UBE2Q2: variants seen among roughly 807,000 people sequenced by gnomAD.
UBE2Q2 encodes the protein ubiquitin-conjugating enzyme E2 Q2.
Under a neutral mutation model 59.9 loss-of-function variants are expected in UBE2Q2, and 54 were observed. That is an observed-to-expected ratio of 0.90 (90% confidence interval 0.72 to 1.13). UBE2Q2 has a LOEUF of 1.13. Among genes scored for constraint, UBE2Q2 ranks in the 50% most tolerant of loss-of-function variants. UBE2Q2 has a pLI of 0.00. For synonymous variants in UBE2Q2, 165 were observed against 155.2 expected (o/e 1.06, Z -0.47); for missense variants, 433 against 441.9 (o/e 0.98, Z 0.18).
intron 1 of UBE2Q2, among the ~76,000 whole-genome samples, chr15:75,853,506 A>G (rs1263815733): frequency 6.7e-6 from 1 of 149,926 alleles, no homozygotes; most frequent in Non-Finnish European, 1.5e-5. Context: ...ATATATATAT[A>G]TGTATGTATG....
At chr15:75,881,537 G>A (rs1343228963) in intron 8 of UBE2Q2, among the ~76,000 whole-genome samples, 1 of 152,130 alleles carries the variant, frequency 6.6e-6, no homozygotes, top group Non-Finnish European at 1.5e-5. Flanking sequence ...GAATGTGATT[G>A]CCTTGAGCTA....
intron 4 of UBE2Q2, among the ~76,000 whole-genome samples, chr15:75,871,316 C>T (rs755863121): frequency 2.4e-4 from 37 of 152,148 alleles, no homozygotes; most frequent in Non-Finnish European, 3.7e-4. Context: ...TGCCCAGGGA[C>T]GGGCAGGAGG....
chr15:75,847,656 T>G (rs1333483710), intron 1 of UBE2Q2, among the ~76,000 whole-genome samples: 2 of 152,136 alleles, frequency 1.3e-5, no homozygotes, highest in Admixed American at 6.5e-5. Flanking sequence ...CAAAGCAGCT[T>G]GTTTTAAGCA....
At chr15:75,852,881 A>G (rs1896702405) in intron 1 of UBE2Q2, among the ~76,000 whole-genome samples, 1 of 152,240 alleles carries the variant, frequency 6.6e-6, no homozygotes, top group East Asian at 1.9e-4. Flanking sequence ...CTCCATCAAT[A>G]CAACTTATTC....
intron 3 of UBE2Q2, among the ~76,000 whole-genome samples, chr15:75,865,949 G>A (rs1027961751): frequency 2.0e-5 from 3 of 152,210 alleles, no homozygotes; most frequent in East Asian, 1.9e-4. Context: ...GGAGGTGAAC[G>A]TACACAGATA....
At chr15:75,875,959 G>T (rs1332664107) in intron 5 of UBE2Q2, among the ~76,000 whole-genome samples, 1 of 151,598 alleles carries the variant, frequency 6.6e-6, no homozygotes, top group African/African-American at 2.4e-5. Flanking sequence ...TCAGCTACTT[G>T]GGAGGCTGAG....
At chr15:75,865,345 T>A (rs1335350289) in intron 3 of UBE2Q2, among the ~76,000 whole-genome samples, 1 of 152,236 alleles carries the variant, frequency 6.6e-6, no homozygotes, top group Non-Finnish European at 1.5e-5. Flanking sequence ...TTTGTTCCTA[T>A]TGTGTGTAGC....
intron 3 of UBE2Q2, among the ~76,000 whole-genome samples, chr15:75,866,676 A>G (rs190189254): frequency 5.9e-5 from 9 of 151,862 alleles, no homozygotes; most frequent in East Asian, 3.9e-4. Flanking sequence ...TCTCTGTTCT[A>G]AGGAAATGTC....
chr15:75,846,095 T>A (rs1356188189), intron 1 of UBE2Q2, among the ~76,000 whole-genome samples: 1 of 152,248 alleles, frequency 6.6e-6, no homozygotes, highest in Non-Finnish European at 1.5e-5. Flanking sequence ...AACAGTGTAA[T>A]GTAGCCAGCC....
chr15:75,876,088 G>A, intron 5 of UBE2Q2, 99 bp from the exon 6 acceptor site: 1 of 822,610 alleles, frequency 1.2e-6, no homozygotes, highest in East Asian at 3.0e-5. Context: ...AAAAAATGTT[G>A]AGTGGTGATC....
chr15:75,857,600 T>C (rs1047540497), intron 2 of UBE2Q2, among the ~76,000 whole-genome samples: 11 of 152,174 alleles, frequency 7.2e-5, no homozygotes, highest in African/African-American at 2.7e-4. Flanking sequence ...AACTAGCGGC[T>C]CCTCTCTTAG....
chr15:75,868,960 A>G lies in UBE2Q2; in HGVS notation c.397A>G (p.Thr133Ala). The G allele has an allele frequency of 5.6e-6, 9 of 1,612,968 alleles. No homozygotes were observed. Among genetic ancestry groups the G allele is most frequent in the Non-Finnish European group, 7.6e-6 (9 of 1,179,238 alleles). ...QPLPTGQNGT[T>A]EEVTSEEEEE... ...TCTTTCTCTGTTTCAGAATGGGACA[A>G]CAGAAGAAGTGACTTCAGAAGAAGA... Residue 133 changes from threonine to alanine, a missense_variant, in exon 4 of 13, where the codon ACA (threonine) becomes GCA (alanine). Physicochemically the swap from Thr to Ala is moderately conservative, Grantham distance 58. Coordinates refer to ENST00000267938, the MANE Select transcript of UBE2Q2 (RefSeq NM_173469.4).
rs182863814 is a variant in UBE2Q2 at position 75,856,417 on chromosome 15, A to G, written c.282+1930A>G. ...AGACTTGTTCAACCAGATGTTCAATAAAATGTTGTATACTAACTCTGTTCC... is the reference window on the plus strand; with the variant it reads ...AGACTTGTTCAACCAGATGTTCAATGAAATGTTGTATACTAACTCTGTTCC... On this transcript the variant is annotated intron_variant, in intron 2 of 12. Transcript: ENST00000267938. 9.2e-5 allele frequency among the ~76,000 whole-genome samples: 14 copies of G among 152,192 alleles called. No individual in the cohort carries two copies. The East Asian group carries it at 2.3e-3, about 25-fold the overall frequency.
At chr15:75,874,940 G>A (rs1350633548) in intron 5 of UBE2Q2, among the ~76,000 whole-genome samples, 1 of 152,140 alleles carries the variant, frequency 6.6e-6, no homozygotes, top group Non-Finnish European at 1.5e-5. Flanking sequence ...AAAACAGGTA[G>A]ATTACTCTCC....
intron 10 of UBE2Q2, 100 bp from the exon 11 acceptor site, chr15:75,890,819 A>G: frequency 1.0e-6 from 1 of 980,580 alleles, no homozygotes; most frequent in Non-Finnish European, 1.6e-6. Flanking sequence ...TCTTTTTAAC[A>G]CTGATTTGCT....
intron 1 of UBE2Q2, 173 bp downstream of exon 1, chr15:75,844,019 G>A (rs1266120266): frequency 6.4e-6 from 9 of 1,409,642 alleles, no homozygotes; most frequent in South Asian, 1.6e-5. Context: ...ACTGCGCGAG[G>A]CTTGGGTGGG....
intron 1 of UBE2Q2, among the ~76,000 whole-genome samples, chr15:75,849,211 A>G (rs1488162185): frequency 1.3e-5 from 2 of 152,152 alleles, no homozygotes; most frequent in East Asian, 3.9e-4. Flanking sequence ...TTATTAAGGT[A>G]CTATATGCTA....
intron 9 of UBE2Q2, among the ~76,000 whole-genome samples, chr15:75,887,046 TTTC>T (rs1477321709): frequency 6.6e-6 from 1 of 152,098 alleles, no homozygotes; most frequent in Non-Finnish European, 1.5e-5. Context: ...TGTTACGTAG[TTTC>T]TTAATTGATT....
chr15:75,851,796 C>T (rs1328314630), intron 1 of UBE2Q2, among the ~76,000 whole-genome samples: 2 of 152,116 alleles, frequency 1.3e-5, no homozygotes, highest in Non-Finnish European at 2.9e-5. Context: ...ATGTATACTT[C>T]CCGTTTCATC....
Sources: allele counts gnomAD v4.1 joint callset (sites outside exome capture counted in the v4.1 genomes callset), GRCh38; gene constraint gnomAD v4.1.1; transcripts MANE v1.5; gene names NCBI Gene and HGNC (gene_info 2026-07-23, HGNC 2026-07-21).